The following RFTN1 variants were observed in gnomAD, a reference collection of about 807,000 sequenced individuals.
RFTN1 encodes the protein raftlin, lipid raft linker 1.
A neutral mutation model predicts 46.5 loss-of-function variants in RFTN1; 26 were observed. That is an observed-to-expected ratio of 0.56 (90% CI 0.41 to 0.78). The LOEUF (loss-of-function observed/expected upper bound fraction) is 0.78. Ranked by LOEUF, RFTN1 falls within the 30% of genes least tolerant of loss-of-function variation. RFTN1 has a pLI of 0.00. For synonymous variants in RFTN1, 261 were observed against 284.2 expected (o/e 0.92, Z 0.82); for missense variants, 693 against 718.7 (o/e 0.96, Z 0.41).
In RFTN1 at chr3:16,512,060, G is replaced by C. The variant is rs1423204664; in HGVS notation, c.-9+1382C>G. Among the ~76,000 whole-genome samples the C allele has an allele frequency of 1.3e-5, 2 of 152,142 alleles. No homozygotes were observed. Among genetic ancestry groups the C allele is most frequent in the African/African-American group, 4.8e-5 (2 of 41,434 alleles). On this transcript the variant is annotated intron_variant, in intron 1 of 9. Transcript: ENST00000334133. The surrounding 1 kb of genome is among the most constrained non-coding windows in gnomAD (Gnocchi z 4.3). The stretch of plus-strand genomic sequence containing the variant: ...AGTCTGAGGTTAGAGTGATTTCACT[G>C]AGGTTAGCACACACGCACCAAAGAG...
chr3:16,364,312 T>C (rs2073017303), intron 6 of RFTN1, among the ~76,000 whole-genome samples: 1 of 152,186 alleles, frequency 6.6e-6, no homozygotes, highest in African/African-American at 2.4e-5. Context: ...GTCATTCCCT[T>C]TTAGTGGGTA....
At chr3:16,417,667 G>A (rs1339260892) in intron 3 of RFTN1, among the ~76,000 whole-genome samples, 1 of 152,182 alleles carries the variant, frequency 6.6e-6, no homozygotes, top group Non-Finnish European at 1.5e-5. Flanking sequence ...CTCCAGGCAG[G>A]GGAAGGGTCA....
rs1272311651 is a variant in RFTN1, at chr3:16,512,506, T to C, written c.-9+936A>G. On this transcript the variant is annotated intron_variant, in intron 1 of 9. Coordinates refer to ENST00000334133, the MANE Select transcript of RFTN1 (RefSeq NM_015150.2). The surrounding 1 kb of genome is among the most constrained non-coding windows in gnomAD (Gnocchi z 4.3). ...ACCCAGCGTCCCTAGGGATCACCCATAACCACACAGGGCAGCTGAGGGCAA... is the reference window on the plus strand; with the variant it reads ...ACCCAGCGTCCCTAGGGATCACCCACAACCACACAGGGCAGCTGAGGGCAA... Among the ~76,000 whole-genome samples, 1 of 151,712 alleles carries C rather than the reference T, an allele frequency of 6.6e-6. No individual in the cohort carries two copies. The highest frequency in any genetic ancestry group is 1.5e-5 in the Non-Finnish European group (1 of 67,962).
Position 16,344,873 on chromosome 3 carries a change from A to AC in RFTN1, c.1146+13058dup, listed in dbSNP as rs1180304155. 6.6e-6 allele frequency among the ~76,000 whole-genome samples: 1 copy of AC among 151,944 alleles called. No individual in the cohort carries two copies. The highest frequency in any genetic ancestry group is 1.5e-5 in the Non-Finnish European group (1 of 67,976). ...TGAGTGAACACATAACTACAAGAAC[A>AC]CCCCCCAACCTTTTATGCTCACTGA... On this transcript the variant is annotated intron_variant, in intron 7 of 9. Coordinates refer to ENST00000334133, the MANE Select transcript of RFTN1 (RefSeq NM_015150.2). The surrounding 1 kb of genome is among the most constrained non-coding windows in gnomAD (Gnocchi z 4.4).
At position 16,434,389 on chromosome 3, in the gene RFTN1, C is replaced by CAAAAA. The variant is rs770025623; in HGVS notation, c.146-353_146-352insTTTTT. On this transcript the variant is annotated intron_variant, in intron 2 of 9. Transcript: ENST00000334133. ...ACAAACAAACAAACAAACAAACAAA[C>CAAAAA]AAACAAAAACAAAAAAACCCCCTCA... Among the ~76,000 whole-genome samples, 599 of 100,822 alleles carry CAAAAA rather than the reference C, an allele frequency of 5.9e-3. 3 individuals are homozygous for CAAAAA. Among genetic ancestry groups the CAAAAA allele is most frequent in the Middle Eastern group, 0.019 (3 of 162 alleles). The allele number at this position is 100,822 out of a possible 152,430, so 66.1% of individuals were successfully genotyped here.
chr3:16,495,162 A>G (rs915649792), intron 1 of RFTN1, among the ~76,000 whole-genome samples: 1 of 152,232 alleles, frequency 6.6e-6, no homozygotes, highest in Non-Finnish European at 1.5e-5. Flanking sequence ...AAAGGGCCAG[A>G]GCAGACATGA....
At position 16,447,228 on chromosome 3, in the gene RFTN1, C is replaced by G. The variant is rs2075748377; in HGVS notation, c.146-13191G>C. ...TAAATGCATTTTAACAAATAATATT[C>G]CTCTGTCTTATGACATCACAAAAGA... On this transcript the variant is annotated intron_variant, in intron 2 of 9. Transcript: ENST00000334133. This position sits in a 1 kb window ranked among gnomAD's most constrained non-coding sequence, Gnocchi z 5.9. Among the ~76,000 whole-genome samples the G allele has an allele frequency of 6.6e-6, 1 of 152,174 alleles. No individual in the cohort carries two copies. The highest frequency in any genetic ancestry group is 1.5e-5 in the Non-Finnish European group (1 of 68,042).
At position 16,489,948 on chromosome 3, in the gene RFTN1, G is replaced by A. The variant is rs186640006; in HGVS notation, c.145+3777C>T. On this transcript the variant is annotated intron_variant, in intron 2 of 9. Transcript: ENST00000334133. The surrounding 1 kb of genome is among the most constrained non-coding windows in gnomAD (Gnocchi z 4.0). Reference sequence around the variant, plus strand: ...AAAGAAAGAAAAATGAGGTGAGGACGTAATGTCCTATCACAGGACTGGGCA... The same window carrying A: ...AAAGAAAGAAAAATGAGGTGAGGACATAATGTCCTATCACAGGACTGGGCA... Among the ~76,000 whole-genome samples the A allele has an allele frequency of 1.3e-5, 2 of 152,114 alleles. No homozygotes were observed. The highest frequency in any genetic ancestry group is 6.5e-5 in the Admixed American group (1 of 15,268).
At chr3:16,372,178 G>A (rs2073539174) in intron 5 of RFTN1, among the ~76,000 whole-genome samples, 1 of 152,192 alleles carries the variant, frequency 6.6e-6, no homozygotes, top group Non-Finnish European at 1.5e-5. Context: ...GGAAGGAGTA[G>A]GAATGGGCAA....
rs1306374853 is a variant in RFTN1 at position 16,402,357 on chromosome 3, G to T, written c.441+7018C>A. ...GGCCTGCGCCAGCCGCCAGCTCACT[G>T]TCTTCCACTCTGAAGACACACTCAT... On this transcript the variant is annotated intron_variant, in intron 4 of 9. Coordinates refer to ENST00000334133, the MANE Select transcript of RFTN1 (RefSeq NM_015150.2). The surrounding 1 kb of genome is among the most constrained non-coding windows in gnomAD (Gnocchi z 4.5). Among the ~76,000 whole-genome samples, 3 of 152,264 alleles carry T rather than the reference G, an allele frequency of 2.0e-5. No homozygotes were observed. The highest frequency in any genetic ancestry group is 4.2e-4 in the South Asian group (2 of 4,816).
chr3:16,331,508 C>T (rs2070308466), intron 7 of RFTN1, among the ~76,000 whole-genome samples: 1 of 152,176 alleles, frequency 6.6e-6, no homozygotes, highest in Non-Finnish European at 1.5e-5. Flanking sequence ...ATATAACCCT[C>T]TGTTTTTCCT....
intron 1 of RFTN1, among the ~76,000 whole-genome samples, chr3:16,501,089 A>T (rs2125003880): frequency 6.6e-6 from 1 of 152,308 alleles, no homozygotes; most frequent in South Asian, 2.1e-4. Flanking sequence ...GTGAACTCTG[A>T]TCGCACCACC....
Position 16,344,740 on chromosome 3 carries a change from C to A in RFTN1, c.1146+13192G>T, listed in dbSNP as rs908388218. 1.3e-5 allele frequency among the ~76,000 whole-genome samples: 2 copies of A among 152,164 alleles called. No homozygotes were observed. On this transcript the variant is annotated intron_variant, in intron 7 of 9. Transcript: ENST00000334133. The surrounding 1 kb of genome is among the most constrained non-coding windows in gnomAD (Gnocchi z 4.4). ...AATGAAAGCACATCGTTGCCAAGTGCGGCCTCTCAATCAGTTATACACCAC... is the reference window on the plus strand; with the variant it reads ...AATGAAAGCACATCGTTGCCAAGTGAGGCCTCTCAATCAGTTATACACCAC...
chr3:16,405,354 A>G (rs2074827324), intron 4 of RFTN1, among the ~76,000 whole-genome samples: 1 of 152,226 alleles, frequency 6.6e-6, no homozygotes, highest in South Asian at 2.1e-4. Flanking sequence ...TGCATTTTAA[A>G]TGTTCTGTGG....
chr3:16,513,210 C>CA lies in RFTN1; in HGVS notation c.-9+231dup, dbSNP rs963956269. ...ATGACTCCCCTACACCCGTTCCCCG[C>CA]AAAAAAAAGTTGGCCCAAGATCCAG... On this transcript the variant is annotated intron_variant, in intron 1 of 9. Coordinates refer to ENST00000334133, the MANE Select transcript of RFTN1 (RefSeq NM_015150.2). This position sits in a 1 kb window ranked among gnomAD's most constrained non-coding sequence, Gnocchi z 5.4. 29 of 152,426 alleles carry CA rather than the reference C, an allele frequency of 1.9e-4. No homozygotes were observed. The highest frequency in any genetic ancestry group is 3.5e-4 in the Non-Finnish European group (24 of 68,376). 9.4% of individuals were successfully genotyped at this position (152,426 alleles called of 1,614,324 possible).
chr3:16,458,325 C>T lies in RFTN1; in HGVS notation c.146-24288G>A, dbSNP rs2075949571. ...CTGCAGCATGTTCTGCTGTATTATT[C>T]AGGTCCAGGTATGCTCGGGGTGCTG... is the stretch of plus-strand genomic sequence containing the variant. On this transcript the variant is annotated intron_variant, in intron 2 of 9. Coordinates refer to ENST00000334133, the MANE Select transcript of RFTN1 (RefSeq NM_015150.2). This position sits in a 1 kb window ranked among gnomAD's most constrained non-coding sequence, Gnocchi z 5.1. Among the ~76,000 whole-genome samples, 2 of 152,170 alleles carry T rather than the reference C, an allele frequency of 1.3e-5. No individual in the cohort carries two copies. The highest frequency in any genetic ancestry group is 2.9e-5 in the Non-Finnish European group (2 of 68,034).
intron 2 of RFTN1, among the ~76,000 whole-genome samples, chr3:16,490,873 G>A (rs4684283): frequency 0.37 from 56,903 of 152,014 alleles, 10,762 homozygotes; most frequent in South Asian, 0.48. Context: ...ACAATGTTAA[G>A]TCGCATAAAA....
At position 16,370,298 on chromosome 3, in the gene RFTN1, G is replaced by C. The variant is rs1336069843; in HGVS notation, c.827-19C>G. On this transcript the variant is annotated intron_variant, in intron 5 of 9. Transcript: ENST00000334133. This position sits in a 1 kb window ranked among gnomAD's most constrained non-coding sequence, Gnocchi z 5.5. ...TCCATTTCTGTTGGGATTTGTAAAG[G>C]GAGTGGAGAGAGAAGAGGTCAACTG... The C allele has an allele frequency of 2.5e-6, 4 of 1,611,836 alleles. No homozygotes were observed. Among genetic ancestry groups the C allele is most frequent in the Non-Finnish European group, 3.4e-6 (4 of 1,178,152 alleles).
Position 16,351,643 on chromosome 3 carries a change from C to T in RFTN1, c.1146+6289G>A, listed in dbSNP as rs186487837. ...CAGCTGCTTTCTAGGATGCTCATGC[C>T]CTTCTGACCTCACCAACTGAGCACT... is the stretch of plus-strand genomic sequence containing the variant. On this transcript the variant is annotated intron_variant, in intron 7 of 9. Coordinates refer to ENST00000334133, the MANE Select transcript of RFTN1 (RefSeq NM_015150.2). This position sits in a 1 kb window ranked among gnomAD's most constrained non-coding sequence, Gnocchi z 5.4. 1.3e-5 allele frequency among the ~76,000 whole-genome samples: 2 copies of T among 152,230 alleles called. No homozygotes were observed. The highest frequency in any genetic ancestry group is 3.9e-4 in the East Asian group (2 of 5,188).
Sources: gnomAD v4.1 joint callset for allele counts (sites outside exome capture counted in the v4.1 genomes callset) on GRCh38, gnomAD v4.1.1 for gene constraint, Gnocchi (gnomAD v3.1) non-coding constraint, MANE v1.5 for transcripts, NCBI Gene and HGNC (gene_info 2026-07-23, HGNC 2026-07-21) for gene names.